Variants in LDB2 observed in about 807,000 individuals in gnomAD.
The protein encoded by LDB2 is LIM domain binding 2, also known as LIM domain-binding protein 2.
Under a neutral mutation model 44.3 loss-of-function variants are expected in LDB2, and 12 were observed. That is an observed-to-expected ratio of 0.27 (90% CI 0.17 to 0.44). The LOEUF is 0.44. Ranked by LOEUF, LDB2 falls within the 20% of genes least tolerant of loss-of-function variation. The probability of loss-of-function intolerance (pLI) is 1.00; values close to 1 mark genes in which losing one functional copy is unlikely to be tolerated. For synonymous variants in LDB2, 164 were observed against 174.8 expected (o/e 0.94, Z 0.49); for missense variants, 344 against 473.5 (o/e 0.73, Z 2.54).
intron 1 of LDB2, among the ~76,000 whole-genome samples, chr4:16,850,589 A>G (rs1788018184): frequency 6.6e-6 from 1 of 152,168 alleles, no homozygotes; most frequent in African/African-American, 2.4e-5. Flanking sequence ...AAAAGTAACC[A>G]TACGGTGATC....
intron 2 of LDB2, among the ~76,000 whole-genome samples, chr4:16,723,999 C>A (rs1220334519): frequency 6.6e-6 from 1 of 152,134 alleles, no homozygotes; most frequent in Non-Finnish European, 1.5e-5. Context: ...AATCTTTCAT[C>A]AATTCATCTC....
At chr4:16,717,554 T>C (rs1757342752) in intron 2 of LDB2, among the ~76,000 whole-genome samples, 1 of 152,200 alleles carries the variant, frequency 6.6e-6, no homozygotes, top group Non-Finnish European at 1.5e-5. Flanking sequence ...TTAAAACTTA[T>C]ACTTTAAGAA....
intron 2 of LDB2, among the ~76,000 whole-genome samples, chr4:16,647,322 G>A (rs767985842): frequency 1.3e-5 from 2 of 152,128 alleles, no homozygotes; most frequent in African/African-American, 2.4e-5. Flanking sequence ...TTCCTTCTTA[G>A]AGTGATGAAA....
At chr4:16,635,955 C>T (rs1373816721) in intron 2 of LDB2, among the ~76,000 whole-genome samples, 2 of 152,114 alleles carry the variant, frequency 1.3e-5, no homozygotes, top group East Asian at 3.8e-4. Flanking sequence ...TTTTAATGTC[C>T]TAGTTTCTCA....
chr4:16,778,788 G>A (rs1481183880), intron 1 of LDB2, among the ~76,000 whole-genome samples: 2 of 152,084 alleles, frequency 1.3e-5, no homozygotes, highest in Admixed American at 6.5e-5. Flanking sequence ...TACAGATTGG[G>A]AACTGAGGCT....
chr4:16,655,994 G>T (rs1002704969), intron 2 of LDB2, among the ~76,000 whole-genome samples: 1 of 138,130 alleles, frequency 7.2e-6, no homozygotes, highest in African/African-American at 2.7e-5. Context: ...CCACCTCCCG[G>T]GTTCACGCCA....
intron 3 of LDB2, among the ~76,000 whole-genome samples, chr4:16,591,327 G>T (rs145991521): frequency 0.014 from 2,179 of 152,244 alleles, 32 homozygotes; most frequent in South Asian, 0.051. Flanking sequence ...TGTGTCCTTT[G>T]TTCACGGTAA....
chr4:16,684,459 T>A (rs1277176401), intron 2 of LDB2, among the ~76,000 whole-genome samples: 1 of 152,234 alleles, frequency 6.6e-6, no homozygotes, highest in East Asian at 1.9e-4. Flanking sequence ...AGAATTCCAA[T>A]CGTCAAGAAT....
chr4:16,808,650 C>T (rs542795786), intron 1 of LDB2, among the ~76,000 whole-genome samples: 9 of 152,186 alleles, frequency 5.9e-5, no homozygotes, highest in Non-Finnish European at 1.2e-4. Flanking sequence ...TCCATGGATG[C>T]CTAGAGAAAT....
chr4:16,573,296 C>T (rs1369066372), intron 5 of LDB2, among the ~76,000 whole-genome samples: 1 of 152,154 alleles, frequency 6.6e-6, no homozygotes, highest in Non-Finnish European at 1.5e-5. Context: ...GAATCAGACT[C>T]ATGTTACAGA....
At chr4:16,551,564 C>CT (rs955691330) in intron 5 of LDB2, among the ~76,000 whole-genome samples, 1 of 152,094 alleles carries the variant, frequency 6.6e-6, no homozygotes, top group African/African-American at 2.4e-5. Context: ...GTTGCCCAGG[C>CT]TTTAGTTCAA....
intron 2 of LDB2, among the ~76,000 whole-genome samples, chr4:16,745,416 C>T (rs1764203196): frequency 6.6e-6 from 1 of 152,190 alleles, no homozygotes; most frequent in Non-Finnish European, 1.5e-5. Flanking sequence ...CAAAGATATT[C>T]TCAGGGCCCA....
intron 1 of LDB2, among the ~76,000 whole-genome samples, chr4:16,853,978 AG>A (rs1414989319): frequency 3.3e-5 from 5 of 152,258 alleles, no homozygotes; most frequent in East Asian, 1.9e-4. Flanking sequence ...CAGGGATAGC[AG>A]GGGGTGAGCG....
At chr4:16,870,490 T>C (rs946809003) in intron 1 of LDB2, among the ~76,000 whole-genome samples, 1 of 151,978 alleles carries the variant, frequency 6.6e-6, no homozygotes, top group African/African-American at 2.4e-5. Flanking sequence ...TATGGGGACC[T>C]GCGGTCACCC....
intron 1 of LDB2, among the ~76,000 whole-genome samples, chr4:16,841,793 C>A (rs1785942202): frequency 6.6e-6 from 1 of 152,108 alleles, no homozygotes; most frequent in East Asian, 1.9e-4. Context: ...GGGAGGAAAC[C>A]AGGAGGTCAT....
chr4:16,824,320 A>G (rs1339636978), intron 1 of LDB2, among the ~76,000 whole-genome samples: 3 of 152,236 alleles, frequency 2.0e-5, no homozygotes, highest in African/African-American at 4.8e-5. Context: ...GTCTTGAGTT[A>G]GAAAATTAAT....
In LDB2 at chr4:16,599,697, G is replaced by A. The variant is rs199944512; in HGVS notation, c.236-3822C>T. On this transcript the variant is annotated intron_variant, in intron 2 of 7. Coordinates refer to ENST00000304523, the MANE Select transcript of LDB2 (RefSeq NM_001290.5). ...GCAATGTGCAATATATAAATAATGC[G>A]CAGTGAATGGGACAGACAGCCAGAA... Among the ~76,000 whole-genome samples the A allele has an allele frequency of 3.4e-4, 51 of 152,178 alleles. No homozygotes were observed. The East Asian group carries it at 9.1e-3, about 27-fold the overall frequency.
intron 2 of LDB2, among the ~76,000 whole-genome samples, chr4:16,627,764 T>G (rs1308713092): frequency 2.0e-5 from 3 of 152,146 alleles, no homozygotes; most frequent in African/African-American, 7.2e-5. Flanking sequence ...CTTCTAGCAA[T>G]AAAATAGAAC....
chr4:16,885,173 A>C (rs1045875412), intron 1 of LDB2, among the ~76,000 whole-genome samples: 10 of 151,744 alleles, frequency 6.6e-5, no homozygotes, highest in African/African-American at 1.9e-4. Context: ...AAAAAAAAAA[A>C]AAAACTTTTT....
Sources: gnomAD v4.1 joint callset for allele counts (sites outside exome capture counted in the v4.1 genomes callset) on GRCh38, gnomAD v4.1.1 for gene constraint, MANE v1.5 for transcripts, NCBI Gene and HGNC (gene_info 2026-07-23, HGNC 2026-07-21) for gene names.